Variants in CADPS observed in about 807,000 individuals in gnomAD.
CADPS encodes the protein calcium dependent secretion activator, also known as calcium-dependent secretion activator 1.
In CADPS, 57 loss-of-function variants were observed where a neutral mutation model predicts 167.3. The ratio of observed to expected loss-of-function variants is 0.34; its 90% CI spans 0.28 to 0.42. CADPS has a LOEUF of 0.42. Ranked by LOEUF, CADPS falls within the 20% of genes least tolerant of loss-of-function variation. The probability of loss-of-function intolerance (pLI) is 1.00; values close to 1 mark genes in which losing one functional copy is unlikely to be tolerated. For synonymous variants in CADPS, 676 were observed against 635.3 expected, an observed-to-expected ratio of 1.06 and a Z score of -0.96; for missense variants, 1,414 against 1,738.1, an observed-to-expected ratio of 0.81 and a Z score of 3.32.
intron 6 of CADPS, among the ~76,000 whole-genome samples, chr3:62,620,033 T>C (rs577545259): frequency 7.9e-5 from 12 of 152,290 alleles, no homozygotes; most frequent in African/African-American, 2.6e-4. Flanking sequence ...GCATTTGTTA[T>C]TGATGCACAA....
intron 4 of CADPS, among the ~76,000 whole-genome samples, chr3:62,658,281 G>A (rs2072236073): frequency 1.3e-5 from 2 of 152,112 alleles, no homozygotes; most frequent in Non-Finnish European, 2.9e-5. Context: ...GATTTTATGT[G>A]AATTGCACAG....
At chr3:62,735,060 A>G (rs1165585839) in intron 3 of CADPS, among the ~76,000 whole-genome samples, 1 of 152,170 alleles carries the variant, frequency 6.6e-6, no homozygotes, top group African/African-American at 2.4e-5. Flanking sequence ...AGAAATTCTT[A>G]TATATGTGCA....
At chr3:62,508,151 G>C (rs2067021777) in intron 17 of CADPS, among the ~76,000 whole-genome samples, 1 of 152,124 alleles carries the variant, frequency 6.6e-6, no homozygotes, top group Non-Finnish European at 1.5e-5. Context: ...TGTCCTACTG[G>C]AAGCTCAGAC....
chr3:62,547,089 G>T (rs896872694), intron 11 of CADPS, among the ~76,000 whole-genome samples: 4 of 152,212 alleles, frequency 2.6e-5, no homozygotes, highest in Non-Finnish European at 5.9e-5. Context: ...TATAGGAACA[G>T]AAGCCACACT....
In CADPS at chr3:62,576,788, T is replaced by TAAAAAAAAAAAAAA. The variant is rs138055445; in HGVS notation, c.1578-5864_1578-5851dup. ...CTGGGTGACAGAGCAAGACTCTGTC[T>TAAAAAAAAAAAAAA]AAAAAAAAAAAAAAAAAAAAAAAAA... On this transcript the variant is annotated intron_variant, in intron 8 of 29. Transcript: ENST00000383710. 1.3e-3 allele frequency among the ~76,000 whole-genome samples: 40 copies of TAAAAAAAAAAAAAA among 29,844 alleles called. 3 individuals are homozygous for TAAAAAAAAAAAAAA. The highest frequency in any genetic ancestry group is 1.7e-3 in the Non-Finnish European group (28 of 16,286). The allele number at this position is 29,844 out of a possible 152,430, so 19.6% of individuals were successfully genotyped here. A position where few individuals can be genotyped will look rare whatever the true frequency, so the allele number is the denominator to read the frequency against.
chr3:62,474,909 A>G (rs1462405153), intron 23 of CADPS, among the ~76,000 whole-genome samples: 1 of 152,216 alleles, frequency 6.6e-6, no homozygotes, highest in Non-Finnish European at 1.5e-5. Flanking sequence ...AAGGTAATAC[A>G]TCAAGCTGTT....
rs150251433 is a variant in CADPS at position 62,544,407 on chromosome 3, T to G, written c.1966+5496A>C. Among the ~76,000 whole-genome samples the G allele has an allele frequency of 2.0e-5, 3 of 151,868 alleles. No individual in the cohort carries two copies. The highest frequency in any genetic ancestry group is 7.3e-5 in the African/African-American group (3 of 41,370). On this transcript the variant is annotated intron_variant, in intron 11 of 29. Coordinates refer to ENST00000383710, the MANE Select transcript of CADPS (RefSeq NM_003716.4). This position sits in a 1 kb window ranked among gnomAD's most constrained non-coding sequence, Gnocchi z 4.4. ...CACTGGTACTCTGACCATTCGAATCTTTGGAATGGGAAAGGAAAAACAACA... is the reference window on the plus strand; with the variant it reads ...CACTGGTACTCTGACCATTCGAATCGTTGGAATGGGAAAGGAAAAACAACA...
chr3:62,501,338 A>C (rs1695687891), intron 17 of CADPS, among the ~76,000 whole-genome samples: 1 of 152,224 alleles, frequency 6.6e-6, no homozygotes, highest in Admixed American at 6.5e-5. Flanking sequence ...GTAGACTTTC[A>C]GGCATTTCTA....
chr3:62,592,963 C>G (rs2086388610), intron 6 of CADPS, among the ~76,000 whole-genome samples: 1 of 152,248 alleles, frequency 6.6e-6, no homozygotes, highest in Non-Finnish European at 1.5e-5. Context: ...TTGCCATGGT[C>G]TTCACAGAGC....
At chr3:62,778,696 C>G (rs1172076346) in intron 1 of CADPS, among the ~76,000 whole-genome samples, 1 of 152,148 alleles carries the variant, frequency 6.6e-6, no homozygotes, top group Non-Finnish European at 1.5e-5. Flanking sequence ...AATAGAAACC[C>G]AGGTATGTAC....
chr3:62,684,635 TC>T (rs1282636028), intron 3 of CADPS, among the ~76,000 whole-genome samples: 1 of 152,070 alleles, frequency 6.6e-6, no homozygotes, highest in African/African-American at 2.4e-5. Flanking sequence ...CTCTTCATTT[TC>T]CTTTGTAAAA....
At chr3:62,468,930 C>T (rs2060252072) in intron 24 of CADPS, among the ~76,000 whole-genome samples, 1 of 152,050 alleles carries the variant, frequency 6.6e-6, no homozygotes, top group African/African-American at 2.4e-5. Context: ...TTCACTTAAC[C>T]AAATAATGAA....
intron 1 of CADPS, among the ~76,000 whole-genome samples, chr3:62,810,112 A>C (rs2094323887): frequency 6.6e-6 from 1 of 152,162 alleles, no homozygotes; most frequent in African/African-American, 2.4e-5. Flanking sequence ...CACTACCATT[A>C]CGGGCCCCTA....
In CADPS at chr3:62,841,577, C is replaced by T. The variant is rs535486134; in HGVS notation, c.441+33012G>A. ...CAAAAAAATACAAAAATTAGCTGGGCGTGGTGGCATGTGCCTGTAGTCCCA... is the reference window on the plus strand; with the variant it reads ...CAAAAAAATACAAAAATTAGCTGGGTGTGGTGGCATGTGCCTGTAGTCCCA... On this transcript the variant is annotated intron_variant, in intron 1 of 29. Coordinates refer to ENST00000383710, the MANE Select transcript of CADPS (RefSeq NM_003716.4). 3.3e-5 allele frequency among the ~76,000 whole-genome samples: 5 copies of T among 152,158 alleles called. No homozygotes were observed. In the East Asian group the frequency reaches 5.8e-4, roughly 18 times the overall value.
chr3:62,807,263 C>CT lies in CADPS; in HGVS notation c.442-41280dup, dbSNP rs1173087995. On this transcript the variant is annotated intron_variant, in intron 1 of 29. Transcript: ENST00000383710. ...CAATTTAATTCTTTCATCAAATTTC[C>CT]TTTTTTTTTTTTTTTGAGACGTAGT... 5.1e-3 allele frequency among the ~76,000 whole-genome samples: 716 copies of CT among 141,068 alleles called. 3 individuals carry two copies. The highest frequency in any genetic ancestry group is 0.033 in the Middle Eastern group (9 of 274). The allele number at this position is 141,068 out of a possible 152,430, so 92.5% of individuals were successfully genotyped here.
intron 26 of CADPS, among the ~76,000 whole-genome samples, chr3:62,454,216 T>C (rs2058415840): frequency 1.3e-5 from 2 of 152,222 alleles, no homozygotes; most frequent in South Asian, 4.1e-4. Flanking sequence ...ACTTTCTCAA[T>C]TAGTGTCTAT....
chr3:62,823,360 C>T (rs1185614881), intron 1 of CADPS, among the ~76,000 whole-genome samples: 1 of 152,146 alleles, frequency 6.6e-6, no homozygotes, highest in Non-Finnish European at 1.5e-5. Flanking sequence ...TCTGATGAAA[C>T]AATCAGACTT....
chr3:62,418,782 T>A (rs1300121420), intron 28 of CADPS, among the ~76,000 whole-genome samples: 1 of 152,108 alleles, frequency 6.6e-6, no homozygotes, highest in East Asian at 1.9e-4. Flanking sequence ...CCTCTATCTC[T>A]TTTGATTAGC....
At chr3:62,834,506 TGTTA>T (rs1240703673) in intron 1 of CADPS, among the ~76,000 whole-genome samples, 1 of 152,160 alleles carries the variant, frequency 6.6e-6, no homozygotes, top group Non-Finnish European at 1.5e-5. Context: ...TTTAGACGTT[TGTTA>T]GACAGAGCCT....
Sources: gnomAD v4.1 joint callset for allele counts (sites outside exome capture counted in the v4.1 genomes callset) on GRCh38, gnomAD v4.1.1 for gene constraint, Gnocchi (gnomAD v3.1) non-coding constraint, MANE v1.5 for transcripts, NCBI Gene and HGNC (gene_info 2026-07-23, HGNC 2026-07-21) for gene names.